The following ZFTA variants were observed in gnomAD, a reference collection of about 807,000 sequenced individuals.
ZFTA encodes the protein zinc finger translocation-associated protein.
In ZFTA, 35 loss-of-function variants were observed where a neutral mutation model predicts 41.8. The observed-to-expected ratio is 0.84, with a 90% CI of 0.64 to 1.11. ZFTA has a LOEUF of 1.11. Among genes scored for constraint, ZFTA ranks in the 50% most tolerant of loss-of-function variants. ZFTA has a pLI of 0.00. For synonymous variants in ZFTA, 514 were observed against 436.4 expected, an observed-to-expected ratio of 1.18 and a Z score of -2.22; for missense variants, 964 against 989.8, an observed-to-expected ratio of 0.97 and a Z score of 0.35.
rs2014672918 is a variant in ZFTA, at chr11:63,763,029, C to T, written c.*389G>A. On this transcript the variant is annotated 3_prime_UTR_variant, in exon 5 of 5. Transcript: ENST00000433688. ...CAGAGCCCGCACGGCCCCCCTTCGG[C>T]CCTAATACTGACTGACGGCGCCCCC... 6.5e-6 allele frequency: 1 copy of T among 152,804 alleles called. No individual in the cohort carries two copies. Among genetic ancestry groups the T allele is most frequent in the East Asian group, 1.9e-4 (1 of 5,206 alleles). 9.5% of individuals were successfully genotyped at this position (152,804 alleles called of 1,614,324 possible).
In ZFTA at chr11:63,762,812, C is replaced by T. The variant is rs1171431443; in HGVS notation, c.*606G>A. ...GCGTAGCCCCGCCCTCGGTCCAACG[C>T]GCCTTCCCACCCCGGGAAGGCTCCC... On this transcript the variant is annotated 3_prime_UTR_variant, in exon 5 of 5. Transcript: ENST00000433688. 2.0e-5 allele frequency: 3 copies of T among 152,072 alleles called. No homozygotes were observed. The highest frequency in any genetic ancestry group is 4.4e-5 in the Non-Finnish European group (3 of 67,982). The allele number at this position is 152,072 out of a possible 1,614,324, so 9.4% of individuals were successfully genotyped here.
chr11:63,766,473 T>C (rs1565059556), intron 1 of ZFTA, among the ~76,000 whole-genome samples, 169 bp from the exon 2 acceptor site: 2 of 143,662 alleles, frequency 1.4e-5, no homozygotes, highest in African/African-American at 5.0e-5. Context: ...GCCAAAACAT[T>C]AGCCCTTTAC....
intron 4 of ZFTA, 80 bp from the exon 5 acceptor site, chr11:63,763,949 T>C: frequency 2.2e-6 from 3 of 1,348,204 alleles, no homozygotes; most frequent in Non-Finnish European, 2.9e-6. Flanking sequence ...AGTCACCCCA[T>C]CTTTGCCCTT....
Position 63,764,173 on chromosome 11 carries a change from C to T in ZFTA, c.1450G>A (p.Ala484Thr). The change falls in exon 4 of 5, where the codon GCC becomes ACC. Residue 484 changes from alanine (A) to threonine (T), a missense_variant. By Grantham distance (58) the Ala-to-Thr change is moderately conservative (BLOSUM62 0). This residue lies in a region of ZFTA where 584 missense variants were observed against 523.1 expected (regional missense o/e 1.12). Transcript: ENST00000433688. ...GGCCCCAGGGCCAGCAGGTGGGCGG[C>T]CTTCTCGCTCCACTCCCGGGCGATG... The part of the protein sequence containing the change: ...ALIAREWSEK[A>T]AHLLALGPPR... 10 of 1,375,594 alleles carry T rather than the reference C, an allele frequency of 7.3e-6. No homozygotes were observed. The highest frequency in any genetic ancestry group is 9.3e-6 in the Non-Finnish European group (10 of 1,072,742). The allele number at this position is 1,375,594 out of a possible 1,614,324, so 85.2% of individuals were successfully genotyped here. A position where few individuals can be genotyped will look rare whatever the true frequency, so the allele number is the denominator to read the frequency against.
rs892092031 is a variant in ZFTA, at chr11:63,762,729, G to C, written c.*689C>G. 4 of 152,304 alleles carry C rather than the reference G, an allele frequency of 2.6e-5. No homozygotes were observed. The highest frequency in any genetic ancestry group is 5.9e-5 in the Non-Finnish European group (4 of 68,120). The allele number at this position is 152,304 out of a possible 1,614,324, so 9.4% of individuals were successfully genotyped here. On this transcript the variant is annotated 3_prime_UTR_variant, in exon 5 of 5. Transcript: ENST00000433688. Reference sequence around the variant, plus strand: ...AGGAGAGTGGGGCCGCCGGGCGCACGGTTCTCACTGAGCCTGCCGGGGAGG... The same window carrying C: ...AGGAGAGTGGGGCCGCCGGGCGCACCGTTCTCACTGAGCCTGCCGGGGAGG...
intron 4 of ZFTA, 41 bp downstream of exon 4, chr11:63,763,997 C>G: frequency 7.7e-7 from 1 of 1,300,582 alleles, no homozygotes; most frequent in Non-Finnish European, 9.9e-7. Context: ...CCAGCAACTG[C>G]CCGGCTCTCC....
chr11:63,766,024 G>A lies in ZFTA; in HGVS notation c.420C>T (p.Thr140=). Residue 140 remains threonine (T), a synonymous_variant, in exon 2 of 5, where the codon ACC becomes ACT. Coordinates refer to ENST00000433688, the MANE Select transcript of ZFTA (RefSeq NM_001144936.2). ...GSSLATLKLS[T]IKRHIRQKHP... ...GCTTTTGGCGGATGTGGCGCTTGAT[G>A]GTGCTGAGCTTGAGGGTGGCCAGGG... 6.4e-7 allele frequency: 1 copy of A among 1,551,422 alleles called. No individual in the cohort carries two copies. Among genetic ancestry groups the A allele is most frequent in the Non-Finnish European group, 8.7e-7 (1 of 1,146,834 alleles).
In ZFTA at chr11:63,763,742, C is replaced by CG; in HGVS notation, c.1712dup (p.Pro572AlafsTer63). 6.7e-7 allele frequency: 1 copy of CG among 1,494,238 alleles called. No individual in the cohort carries two copies. Among genetic ancestry groups the CG allele is most frequent in the Non-Finnish European group, 8.9e-7 (1 of 1,119,320 alleles). 92.6% of individuals were successfully genotyped at this position (1,494,238 alleles called of 1,614,324 possible). ...TCCGCCGCTGCTCCCGGCTGCGGGGCGGGGGCGGAGGCGGGGGAGGAGGCG... is the reference window on the plus strand; with the variant it reads ...TCCGCCGCTGCTCCCGGCTGCGGGGCGGGGGGCGGAGGCGGGGGAGGAGGCG... On this transcript the variant is annotated frameshift_variant, in exon 5 of 5. Coordinates refer to ENST00000433688, the MANE Select transcript of ZFTA (RefSeq NM_001144936.2). LOFTEE classifies it low-confidence loss of function (END_TRUNC).
rs1590908179 is a variant in ZFTA, at chr11:63,762,261, G to A, written c.*1157C>T. 1 of 151,952 alleles carries A rather than the reference G, an allele frequency of 6.6e-6. No homozygotes were observed. Among genetic ancestry groups the A allele is most frequent in the South Asian group, 2.1e-4 (1 of 4,816 alleles). The allele number at this position is 151,952 out of a possible 1,614,324, so 9.4% of individuals were successfully genotyped here. A position where few individuals can be genotyped will look rare whatever the true frequency, so the allele number is the denominator to read the frequency against. On this transcript the variant is annotated 3_prime_UTR_variant, in exon 5 of 5. Coordinates refer to ENST00000433688, the MANE Select transcript of ZFTA (RefSeq NM_001144936.2). ...AGACATTTGCACATAAGGGTGACTG[G>A]GTCAGCTCTGTCCCCGCCCCTCCCC...
chr11:63,764,590 G>T lies in ZFTA; in HGVS notation c.1033C>A (p.Leu345Ile). The T allele has an allele frequency of 8.0e-7, 1 of 1,255,580 alleles. No individual in the cohort carries two copies. The highest frequency in any genetic ancestry group is 1.0e-6 in the Non-Finnish European group (1 of 997,124). The allele number at this position is 1,255,580 out of a possible 1,614,324, so 77.8% of individuals were successfully genotyped here. Residue 345 changes from leucine to isoleucine, a missense_variant, in exon 4 of 5, where the codon CTC becomes ATC. Coordinates refer to ENST00000433688, the MANE Select transcript of ZFTA (RefSeq NM_001144936.2). The stretch of plus-strand genomic sequence containing the variant: ...TTTCCGGTCAGGTCCTGGGGGGCGA[G>T]GTCATCGCCTGTTGGGGAAGGGGTG... ...ELTQSPPGDD[L>I]APQDLTGKSR...
In ZFTA at chr11:63,760,806, TTCAG is replaced by T. The variant is rs997310538; in HGVS notation, c.*2608_*2611del. 1 of 152,216 alleles carries T rather than the reference TTCAG, an allele frequency of 6.6e-6. No individual in the cohort carries two copies. The highest frequency in any genetic ancestry group is 2.4e-5 in the African/African-American group (1 of 41,450). The allele number at this position is 152,216 out of a possible 1,614,324, so 9.4% of individuals were successfully genotyped here. On this transcript the variant is annotated 3_prime_UTR_variant, in exon 5 of 5. Transcript: ENST00000433688. ...TGCTAGGCCCCAACCAAGTTTCTGATTCAGTAACCCTGGGGTATGGCCCAAGAAT... is the reference window on the plus strand; with the variant it reads ...TGCTAGGCCCCAACCAAGTTTCTGATTAACCCTGGGGTATGGCCCAAGAAT...
chr11:63,767,975 G>A (rs936131339), intron 1 of ZFTA, among the ~76,000 whole-genome samples: 1 of 152,004 alleles, frequency 6.6e-6, no homozygotes, highest in African/African-American at 2.4e-5. Context: ...TGGGAGAAAA[G>A]AAAAAGGGTG....
chr11:63,764,529 G>C lies in ZFTA; in HGVS notation c.1094C>G (p.Ser365Cys). The C allele has an allele frequency of 8.0e-7, 1 of 1,257,482 alleles. No homozygotes were observed. Among genetic ancestry groups the C allele is most frequent in the Non-Finnish European group, 1.0e-6 (1 of 995,648 alleles). 77.9% of individuals were successfully genotyped at this position (1,257,482 alleles called of 1,614,324 possible). Reference protein sequence around the residue: ...RDSASAAGAPSSQDLSPPDVK... With the variant: ...RDSASAAGAPCSQDLSPPDVK... ...GTCTGGGGGGCTGAGATCCTGAGAG[G>C]AGGGGGCTCCAGCAGCGGAGGCCGA... is the stretch of plus-strand genomic sequence containing the variant. Residue 365 changes from serine (S) to cysteine (C), a missense_variant, in exon 4 of 5, where the codon TCC becomes TGC. Ser to Cys is a moderately radical substitution (Grantham distance 112). Around this residue, in one of 5 missense-constraint regions of ZFTA, gnomAD observed 584 missense variants for 523.1 expected, o/e 1.12. Coordinates refer to ENST00000433688, the MANE Select transcript of ZFTA (RefSeq NM_001144936.2).
chr11:63,764,219 G>A lies in ZFTA; in HGVS notation c.1404C>T (p.Leu468=). 1.4e-6 allele frequency: 2 copies of A among 1,426,542 alleles called. No homozygotes were observed. 88.4% of individuals were successfully genotyped at this position (1,426,542 alleles called of 1,614,324 possible). The stretch of plus-strand genomic sequence containing the variant: ...CGATGAGGGCCTGGACAGGCCCGCC[G>A]AGGCGCGTGGAGCCCGGGTGGCGCC... ...IRRRHPGSTR[L]GGPVQALIAR... The change falls in exon 4 of 5, where the codon CTC becomes CTT. Residue 468 remains leucine (L), a synonymous_variant. Coordinates refer to ENST00000433688, the MANE Select transcript of ZFTA (RefSeq NM_001144936.2).
At position 63,762,861 on chromosome 11, in the gene ZFTA, C is replaced by T. The variant is rs1053444511; in HGVS notation, c.*557G>A. On this transcript the variant is annotated 3_prime_UTR_variant, in exon 5 of 5. Coordinates refer to ENST00000433688, the MANE Select transcript of ZFTA (RefSeq NM_001144936.2). The stretch of plus-strand genomic sequence containing the variant: ...CCGAGCCCTGCGGCCCAGCCTCCCG[C>T]TGGAAGCCCCAGTCCGCAGCCGGGG... 2 of 152,102 alleles carry T rather than the reference C, an allele frequency of 1.3e-5. No individual in the cohort carries two copies. The highest frequency in any genetic ancestry group is 4.8e-5 in the African/African-American group (2 of 41,434). 9.4% of individuals were successfully genotyped at this position (152,102 alleles called of 1,614,324 possible).
chr11:63,764,598 C>T lies in ZFTA; in HGVS notation c.1025G>A (p.Gly342Asp). Residue 342 changes from glycine (G) to aspartate (D), a missense_variant and splice_region_variant, in exon 4 of 5, where the codon GGC becomes GAC. By Grantham distance (94) the Gly-to-Asp change is moderately conservative (BLOSUM62 -1). This residue lies in a region of ZFTA where 584 missense variants were observed against 523.1 expected (regional missense o/e 1.12). Coordinates refer to ENST00000433688, the MANE Select transcript of ZFTA (RefSeq NM_001144936.2). The part of the protein sequence containing the change: ...ALSELTQSPP[G>D]DDLAPQDLTG... ...CAGGTCCTGGGGGGCGAGGTCATCGCCTGTTGGGGAAGGGGTGAGGGAGAG... is the reference window on the plus strand; with the variant it reads ...CAGGTCCTGGGGGGCGAGGTCATCGTCTGTTGGGGAAGGGGTGAGGGAGAG... 1 of 1,255,984 alleles carries T rather than the reference C, an allele frequency of 8.0e-7. No individual in the cohort carries two copies. 77.8% of individuals were successfully genotyped at this position (1,255,984 alleles called of 1,614,324 possible).
chr11:63,766,765 G>C (rs2135097647), intron 1 of ZFTA, among the ~76,000 whole-genome samples: 1 of 152,216 alleles, frequency 6.6e-6, no homozygotes, highest in South Asian at 2.1e-4. Context: ...CCCGCCAGGA[G>C]GGCCCCACCC....
At position 63,764,911 on chromosome 11, in the gene ZFTA, C is replaced by A. The variant is rs1337415049; in HGVS notation, c.981G>T (p.Gly327=). ...GCTCAGACAGCGCCTCGGGCTGGCC[C>A]CCCCAGGCCTGCAGCAGGGCACTGC... ...PQRSALLQAW[G]GQPEALSELT... Residue 327 remains glycine, a synonymous_variant, in exon 3 of 5, where the codon GGG becomes GGT. Transcript: ENST00000433688. 4 of 1,535,014 alleles carry A rather than the reference C, an allele frequency of 2.6e-6. No individual in the cohort carries two copies. Among genetic ancestry groups the A allele is most frequent in the Middle Eastern group, 1.8e-4 (1 of 5,482 alleles).
rs1025188775 is a variant in ZFTA, at chr11:63,761,297, A to G, written c.*2121T>C. 1 of 152,202 alleles carries G rather than the reference A, an allele frequency of 6.6e-6. No individual in the cohort carries two copies. The highest frequency in any genetic ancestry group is 2.4e-5 in the African/African-American group (1 of 41,440). The allele number at this position is 152,202 out of a possible 1,614,324, so 9.4% of individuals were successfully genotyped here. A position where few individuals can be genotyped will look rare whatever the true frequency, so the allele number is the denominator to read the frequency against. ...GTGGCCTCCACAACAAAAAGCACAAAGCCCCCTGCCGAGGCAGCCTTGGGC... is the reference window on the plus strand; with the variant it reads ...GTGGCCTCCACAACAAAAAGCACAAGGCCCCCTGCCGAGGCAGCCTTGGGC... On this transcript the variant is annotated 3_prime_UTR_variant, in exon 5 of 5. Transcript: ENST00000433688.
Sources: gnomAD v4.1 joint callset for allele counts (sites outside exome capture counted in the v4.1 genomes callset) on GRCh38, gnomAD v4.1.1 for gene constraint, gnomAD v4.1.1 regional missense constraint, MANE v1.5 for transcripts, NCBI Gene and HGNC (gene_info 2026-07-23, HGNC 2026-07-21) for gene names.